Variants in ZC3HC1 observed in about 807,000 individuals in gnomAD.
ZC3HC1 encodes zinc finger C3HC-type protein 1.
Under a neutral mutation model 61.9 loss-of-function variants are expected in ZC3HC1, and 38 were observed. That is an observed-to-expected ratio of 0.61 (90% CI 0.47 to 0.81). ZC3HC1 has a LOEUF of 0.81. ZC3HC1 is among the 30% of genes least tolerant of loss of function. ZC3HC1 has a pLI of 0.00. For missense variants in ZC3HC1, 554 were observed against 622.7 expected, an observed-to-expected ratio of 0.89 and a Z score of 1.17; for synonymous variants, 213 against 229.9, an observed-to-expected ratio of 0.93 and a Z score of 0.67.
At chr7:130,051,005 G>A (rs942219878) in intron 1 of ZC3HC1, among the ~76,000 whole-genome samples, 1 of 152,180 alleles carries the variant, frequency 6.6e-6, no homozygotes, top group Non-Finnish European at 1.5e-5. Flanking sequence ...AATAATGTCC[G>A]ATGACAAAAT....
intron 3 of ZC3HC1, among the ~76,000 whole-genome samples, chr7:130,040,216 C>T (rs1305349618): frequency 1.7e-5 from 2 of 117,414 alleles, no homozygotes; most frequent in African/African-American, 3.1e-5. Flanking sequence ...AAAAAAAGGC[C>T]GGGCACGGTG....
chr7:130,035,406 A>C (rs1169689689), intron 4 of ZC3HC1, among the ~76,000 whole-genome samples: 1 of 151,824 alleles, frequency 6.6e-6, no homozygotes, highest in Non-Finnish European at 1.5e-5. Context: ...AAAAAAAAAA[A>C]AACAGCCGAG....
At chr7:130,027,178 G>A (rs1793954597) in intron 5 of ZC3HC1, 1 of 151,444 alleles carries the variant, frequency 6.6e-6, no homozygotes, top group Non-Finnish European at 1.5e-5. Context: ...CTTTATTTTT[G>A]TTCTAAGAAA....
rs771922094 is a variant in ZC3HC1, at chr7:130,024,491, G to A, written c.792C>T (p.Ser264=). The change falls in exon 7 of 10, where the codon TCC becomes TCT. Residue 264 remains serine, a synonymous_variant. Coordinates refer to ENST00000358303, the MANE Select transcript of ZC3HC1 (RefSeq NM_016478.5). ...AACATGTTATCAGGGAGAGCTGCAT[G>A]GATTCCAAAGAGGAACTAGATAGGA... ...CGWACSSSLE[S]MQLSLITCSQ... is the part of the protein sequence containing the mutation. 14 of 1,607,828 alleles carry A rather than the reference G, an allele frequency of 8.7e-6. No homozygotes were observed. The highest frequency in any genetic ancestry group is 1.2e-5 in the Non-Finnish European group (14 of 1,177,642).
intron 4 of ZC3HC1, among the ~76,000 whole-genome samples, chr7:130,031,776 T>C (rs1794206183): frequency 6.6e-6 from 1 of 152,188 alleles, no homozygotes; most frequent in African/African-American, 2.4e-5. Context: ...GCTGAGGTTC[T>C]GCACAAGCAG....
Position 130,018,586 on chromosome 7 carries a change from G to T in ZC3HC1, c.*78C>A. 1 of 1,298,164 alleles carries T rather than the reference G, an allele frequency of 7.7e-7. No homozygotes were observed. The highest frequency in any genetic ancestry group is 1.3e-5 in the South Asian group (1 of 76,124). 80.4% of individuals were successfully genotyped at this position (1,298,164 alleles called of 1,614,324 possible). A position where few individuals can be genotyped will look rare whatever the true frequency, so the allele number is the denominator to read the frequency against. ...GAACAGGAAAAACTTAGTGTCAGCTGACCGAAAGGAACTCAGCCTTAATTT... is the reference window on the plus strand; with the variant it reads ...GAACAGGAAAAACTTAGTGTCAGCTTACCGAAAGGAACTCAGCCTTAATTT... On this transcript the variant is annotated 3_prime_UTR_variant, in exon 10 of 10. Coordinates refer to ENST00000358303, the MANE Select transcript of ZC3HC1 (RefSeq NM_016478.5).
At chr7:130,020,564 G>A (rs1031277824) in intron 9 of ZC3HC1, among the ~76,000 whole-genome samples, 2 of 151,776 alleles carry the variant, frequency 1.3e-5, no homozygotes, top group African/African-American at 4.8e-5. Context: ...GCCTGGCCTC[G>A]GTATATACTT....
At chr7:130,043,196 GAACT>G (rs2116760535) in intron 2 of ZC3HC1, among the ~76,000 whole-genome samples, 1 of 152,158 alleles carries the variant, frequency 6.6e-6, no homozygotes, top group Admixed American at 6.6e-5. Context: ...AGACTCGCTT[GAACT>G]TGGGAGGCGG....
chr7:130,050,042 AT>A (rs1795016015), intron 1 of ZC3HC1, among the ~76,000 whole-genome samples: 2 of 152,112 alleles, frequency 1.3e-5, no homozygotes, highest in African/African-American at 4.8e-5. Flanking sequence ...AGTGGAAGGC[AT>A]TTCAACAGTG....
Position 130,024,292 on chromosome 7 carries a change from C to A in ZC3HC1, c.991G>T (p.Asp331Tyr). 6.2e-7 allele frequency: 1 copy of A among 1,611,886 alleles called. No homozygotes were observed. Among genetic ancestry groups the A allele is most frequent in the Non-Finnish European group, 8.5e-7 (1 of 1,178,538 alleles). The change falls in exon 7 of 10, where the codon GAT becomes TAT. Residue 331 changes from aspartate (D) to tyrosine (Y), a missense_variant. Asp to Tyr is a radical substitution (Grantham distance 160). Transcript: ENST00000358303. Reference sequence around the variant, plus strand: ...TCTGAGCCTGGGGAGAAAGTGGCATCCTGGCTCCGGGTCATCATCCTCCGA... The same window carrying A: ...TCTGAGCCTGGGGAGAAAGTGGCATACTGGCTCCGGGTCATCATCCTCCGA... ...SPRRMMTRSQ[D>Y]ATFSPGSEQA...
chr7:130,032,668 TGGAAGGAAGGAAGGAA>T (rs374532483), intron 4 of ZC3HC1, among the ~76,000 whole-genome samples: 2,446 of 58,040 alleles, frequency 0.042, 78 homozygotes, highest in Non-Finnish European at 0.06. Context: ...ATAGAAGAAA[TGGAAGGAAGGAAGGAA>T]GGAAGGAAGG....
chr7:130,026,134 T>G (rs1274848939), intron 6 of ZC3HC1, 24 bp downstream of exon 6: 24 of 1,607,418 alleles, frequency 1.5e-5, no homozygotes, highest in Non-Finnish European at 1.6e-5. Flanking sequence ...GGTTCATGTC[T>G]CCAGGCAAAA....
rs555897722 is a variant in ZC3HC1, at chr7:130,041,043, C to A, written c.317G>T (p.Gly106Val). The A allele has an allele frequency of 9.9e-6, 16 of 1,613,794 alleles. No homozygotes were observed. Among genetic ancestry groups the A allele is most frequent in the Non-Finnish European group, 1.4e-5 (16 of 1,180,020 alleles). ...CATATCACATTCCACTGTGACCCAGCCATATTTTGCACAGACGAGTGGAGA... is the reference window on the plus strand; with the variant it reads ...CATATCACATTCCACTGTGACCCAGACATATTTTGCACAGACGAGTGGAGA... The part of the protein sequence containing the change: ...ELSPLVCAKY[G>V]WVTVECDMLK... Residue 106 changes from glycine to valine, a missense_variant, in exon 3 of 10, where the codon GGC (glycine) becomes GTC (valine). By Grantham distance (109) the Gly-to-Val change is moderately radical. Coordinates refer to ENST00000358303, the MANE Select transcript of ZC3HC1 (RefSeq NM_016478.5).
chr7:130,050,521 C>A, intron 1 of ZC3HC1: 1 of 1,458,958 alleles, frequency 6.9e-7, no homozygotes, highest in Non-Finnish European at 9.0e-7. Context: ...CATCCATAAA[C>A]TTGGATGGGT....
rs1795067647 is a variant in ZC3HC1 at position 130,051,302 on chromosome 7, A to G, written c.65T>C (p.Val22Ala). ...VGVEKNWGAV[V>A]RSPEGTPQKI... ...CTGGGGGGTCCCTTCTGGGGAGCGAACTACTGCACCCCAATTCTTTTCAAC... is the reference window on the plus strand; with the variant it reads ...CTGGGGGGTCCCTTCTGGGGAGCGAGCTACTGCACCCCAATTCTTTTCAAC... Residue 22 changes from valine to alanine, a missense_variant, in exon 1 of 10, where the codon GTT (valine) becomes GCT (alanine). By Grantham distance (64) the Val-to-Ala change is moderately conservative. Transcript: ENST00000358303. The G allele has an allele frequency of 6.2e-7, 1 of 1,613,250 alleles. No individual in the cohort carries two copies. The highest frequency in any genetic ancestry group is 8.5e-7 in the Non-Finnish European group (1 of 1,179,616).
chr7:130,021,612 A>G (rs912591773), intron 9 of ZC3HC1, among the ~76,000 whole-genome samples: 4 of 152,200 alleles, frequency 2.6e-5, no homozygotes, highest in African/African-American at 9.6e-5. Context: ...TCTTGGTGTC[A>G]GAGCCCAGTG....
chr7:130,037,048 G>C (rs181605421), intron 4 of ZC3HC1: 1 of 152,380 alleles, frequency 6.6e-6, no homozygotes, highest in African/African-American at 2.4e-5. Context: ...AGGAATTAGA[G>C]GTCTCCGAGG....
At chr7:130,038,004 C>T (rs958913288) in intron 4 of ZC3HC1, among the ~76,000 whole-genome samples, 4 of 152,152 alleles carry the variant, frequency 2.6e-5, no homozygotes, top group African/African-American at 9.7e-5. Context: ...ATTTATTGCT[C>T]AGGCTGGTCT....
intron 2 of ZC3HC1, among the ~76,000 whole-genome samples, chr7:130,044,419 C>A (rs888341139): frequency 3.3e-5 from 5 of 152,134 alleles, no homozygotes; most frequent in African/African-American, 1.2e-4. Context: ...ACAAGATAAG[C>A]CGAGAACAAC....
Sources: gnomAD v4.1 joint callset for allele counts (sites outside exome capture counted in the v4.1 genomes callset) on GRCh38, gnomAD v4.1.1 for gene constraint, MANE v1.5 for transcripts, NCBI Gene and HGNC (gene_info 2026-07-23, HGNC 2026-07-21) for gene names.